The following TRIM2 variants were observed in gnomAD, a reference collection of about 807,000 sequenced individuals.
TRIM2 encodes the protein tripartite motif-containing protein 2.
Under a neutral mutation model 75.2 loss-of-function variants are expected in TRIM2, and 20 were observed. The ratio of observed to expected loss-of-function variants is 0.27; its 90% CI spans 0.19 to 0.39. The LOEUF (loss-of-function observed/expected upper bound fraction) is 0.39. Among genes scored for constraint, TRIM2 ranks in the 10% least tolerant of loss-of-function variants. TRIM2 has a pLI of 1.00. For synonymous variants in TRIM2, 373 were observed against 388.3 expected (o/e 0.96, Z 0.46); for missense variants, 660 against 990.8 (o/e 0.67, Z 4.48).
intron 1 of TRIM2, among the ~76,000 whole-genome samples, chr4:153,194,455 A>C (rs1002397553): frequency 6.6e-6 from 1 of 152,214 alleles, no homozygotes; most frequent in Non-Finnish European, 1.5e-5. Context: ...CAAAATGATT[A>C]AGTGGAATGA....
chr4:153,247,904 A>G (rs538748323), intron 1 of TRIM2, among the ~76,000 whole-genome samples: 1 of 152,086 alleles, frequency 6.6e-6, no homozygotes, highest in South Asian at 2.1e-4. Flanking sequence ...AGTCATTTCT[A>G]AAGGAACTCA....
intron 1 of TRIM2, among the ~76,000 whole-genome samples, chr4:153,236,116 C>T (rs926896586): frequency 2.6e-5 from 4 of 152,070 alleles, no homozygotes; most frequent in Non-Finnish European, 5.9e-5. Context: ...TCCCTCCTGC[C>T]ACCCTGTGAA....
At chr4:153,303,468 A>G (rs1458555277) in intron 6 of TRIM2, among the ~76,000 whole-genome samples, 2 of 149,074 alleles carry the variant, frequency 1.3e-5, no homozygotes, top group Non-Finnish European at 3.0e-5. Flanking sequence ...GTGAGACTCC[A>G]TCTCAGAAAA....
chr4:153,238,470 G>T (rs1745594280), intron 1 of TRIM2, among the ~76,000 whole-genome samples: 2 of 152,144 alleles, frequency 1.3e-5, no homozygotes, highest in Non-Finnish European at 2.9e-5. Flanking sequence ...ACCAAAAATT[G>T]ACTTCTAAGT....
chr4:153,337,536 G>A lies in TRIM2; in HGVS notation c.*2570G>A, dbSNP rs1772592488. The A allele has an allele frequency of 1.0e-6, 1 of 985,588 alleles. No individual in the cohort carries two copies. The highest frequency in any genetic ancestry group is 1.2e-6 in the Non-Finnish European group (1 of 829,862). 61.1% of individuals were successfully genotyped at this position (985,588 alleles called of 1,614,324 possible). ...TTCCAAAAAATATGTGATTATATAT[G>A]TTAAAGTATAGATAACATTTCACAC... is the stretch of plus-strand genomic sequence containing the variant. On this transcript the variant is annotated 3_prime_UTR_variant, in exon 12 of 12. Coordinates refer to ENST00000338700, the MANE Select transcript of TRIM2 (RefSeq NM_015271.5).
chr4:153,203,146 T>C (rs1197089682), upstream of TRIM2, among the ~76,000 whole-genome samples: 1 of 150,680 alleles, frequency 6.6e-6, no homozygotes, highest in Non-Finnish European at 1.5e-5. Flanking sequence ...TAGTTAAGTT[T>C]GGGAGACAGA....
At chr4:153,334,704 A>G in intron 11 of TRIM2, 110 bp from the exon 12 acceptor site, 1 of 1,102,092 alleles carries the variant, frequency 9.1e-7, no homozygotes, top group Non-Finnish European at 1.3e-6. Flanking sequence ...AGACCCTGTC[A>G]AAAAGAAAGA....
At chr4:153,157,372 C>T (rs189903073) in intron 1 of TRIM2, among the ~76,000 whole-genome samples, 4 of 152,232 alleles carry the variant, frequency 2.6e-5, no homozygotes, top group Admixed American at 2.6e-4. Flanking sequence ...AAATCTTTGG[C>T]TTGTGGTCCA....
chr4:153,229,172 T>A (rs1742946704), intron 1 of TRIM2, among the ~76,000 whole-genome samples: 1 of 152,258 alleles, frequency 6.6e-6, no homozygotes, highest in African/African-American at 2.4e-5. Context: ...GAAATTCGAT[T>A]TCTTAGGGAT....
intron 1 of TRIM2, among the ~76,000 whole-genome samples, chr4:153,215,264 C>T (rs1031193596): frequency 6.6e-6 from 1 of 152,070 alleles, no homozygotes; most frequent in Non-Finnish European, 1.5e-5. Context: ...TCTAGACATA[C>T]CTCCTCCTCT....
At chr4:153,245,968 C>T (rs1749028628) in intron 1 of TRIM2, among the ~76,000 whole-genome samples, 1 of 152,172 alleles carries the variant, frequency 6.6e-6, no homozygotes, top group South Asian at 2.1e-4. Flanking sequence ...CATGAGGCAC[C>T]ACACCCAGCC....
chr4:153,307,893 A>G, intron 6 of TRIM2: 1 of 749,388 alleles, frequency 1.3e-6, no homozygotes, highest in Non-Finnish European at 2.5e-6. Flanking sequence ...GGAGACCATG[A>G]TTCTGATCAG....
chr4:153,169,102 T>C (rs1363703238), intron 1 of TRIM2, among the ~76,000 whole-genome samples: 1 of 152,202 alleles, frequency 6.6e-6, no homozygotes, highest in African/African-American at 2.4e-5. Flanking sequence ...TTAAAATACA[T>C]TCTCATAGTG....
chr4:153,249,933 A>G (rs2149917525), intron 1 of TRIM2, among the ~76,000 whole-genome samples: 1 of 152,336 alleles, frequency 6.6e-6, no homozygotes, highest in East Asian at 1.9e-4. Context: ...CAAGATAGAT[A>G]GAGTCAACTT....
chr4:153,312,852 T>C (rs996313661), intron 6 of TRIM2, among the ~76,000 whole-genome samples: 8 of 152,148 alleles, frequency 5.3e-5, no homozygotes, highest in Admixed American at 2.0e-4. Context: ...ATTTCTAAGC[T>C]GAGCATTTTA....
At chr4:153,245,956 G>A (rs563952492) in intron 1 of TRIM2, among the ~76,000 whole-genome samples, 29 of 152,322 alleles carry the variant, frequency 1.9e-4, no homozygotes, top group Non-Finnish European at 2.6e-4. Flanking sequence ...TGGGATTACA[G>A]GCATGAGGCA....
At chr4:153,307,567 A>G (rs553628427) in intron 6 of TRIM2, among the ~76,000 whole-genome samples, 1 of 152,286 alleles carries the variant, frequency 6.6e-6, no homozygotes. Context: ...TGGAATGTTC[A>G]TTTCTTTGGC....
intron 1 of TRIM2, among the ~76,000 whole-genome samples, chr4:153,196,859 T>C (rs1345385676): frequency 6.6e-6 from 1 of 152,216 alleles, no homozygotes; most frequent in African/African-American, 2.4e-5. Context: ...ATGGTTTACC[T>C]CAATGGTTGG....
intron 3 of TRIM2, among the ~76,000 whole-genome samples, chr4:153,280,080 C>A (rs1758929979): frequency 6.7e-6 from 1 of 149,532 alleles, no homozygotes; most frequent in Non-Finnish European, 1.5e-5. Context: ...CCCCTACCCC[C>A]ACCCACCCCC....
Sources: allele counts gnomAD v4.1 joint callset (sites outside exome capture counted in the v4.1 genomes callset), GRCh38; gene constraint gnomAD v4.1.1; transcripts MANE v1.5; gene names NCBI Gene and HGNC (gene_info 2026-07-23, HGNC 2026-07-21).